Variants in OSBPL1A observed in about 807,000 individuals in gnomAD.
OSBPL1A encodes oxysterol binding protein like 1A, also known as oxysterol-binding protein-related protein 1.
OSBPL1A carries 80 observed loss-of-function variants against 137.1 expected under a neutral mutation model. The ratio of observed to expected loss-of-function variants is 0.58; its 90% CI spans 0.49 to 0.70. The LOEUF is 0.70. Among genes scored for constraint, OSBPL1A ranks in the 30% least tolerant of loss-of-function variants. The pLI is 0.00. For synonymous variants in OSBPL1A, 365 were observed against 389.7 expected, an observed-to-expected ratio of 0.94 and a Z score of 0.75; for missense variants, 970 against 1,129.4, an observed-to-expected ratio of 0.86 and a Z score of 2.02.
chr18:24,259,959 C>T lies in OSBPL1A; in HGVS notation c.1282-20577G>A, dbSNP rs116059348. On this transcript the variant is annotated intron_variant, in intron 15 of 27. Transcript: ENST00000319481. ...AAGGGTCTAGTATCTACAATATATA[C>T]ACAATCATGTACAGAACTCTACGCT... Among the ~76,000 whole-genome samples the T allele has an allele frequency of 6.1e-3, 934 of 152,156 alleles. 10 individuals are homozygous for T. The highest frequency in any genetic ancestry group is 0.021 in the African/African-American group (861 of 41,502).
chr18:24,300,365 A>C (rs745664244), intron 14 of OSBPL1A, among the ~76,000 whole-genome samples: 44 of 152,250 alleles, frequency 2.9e-4, no homozygotes, highest in Admixed American at 1.5e-3. Context: ...TGCCCAGATA[A>C]GTCTGCATTT....
chr18:24,332,031 G>A (rs2091087976), intron 7 of OSBPL1A, among the ~76,000 whole-genome samples: 1 of 151,852 alleles, frequency 6.6e-6, no homozygotes, highest in Non-Finnish European at 1.5e-5. Context: ...GTCTATTTAG[G>A]GTCACACTTT....
chr18:24,254,016 ATTCC>A (rs1488136229), intron 15 of OSBPL1A, among the ~76,000 whole-genome samples: 2 of 152,246 alleles, frequency 1.3e-5, no homozygotes, highest in Non-Finnish European at 2.9e-5. Flanking sequence ...CATGAGCTGA[ATTCC>A]TTCCCAAAGT....
chr18:24,216,133 G>A (rs1408996317), intron 17 of OSBPL1A, among the ~76,000 whole-genome samples: 6 of 152,112 alleles, frequency 3.9e-5, no homozygotes, highest in Non-Finnish European at 8.8e-5. Flanking sequence ...ACAGCCTCTC[G>A]TCACCTCTTG....
chr18:24,372,211 G>T (rs144953976), intron 2 of OSBPL1A, among the ~76,000 whole-genome samples: 1 of 151,342 alleles, frequency 6.6e-6, no homozygotes, highest in Non-Finnish European at 1.5e-5. Context: ...GGAGTTCAAG[G>T]CTGCAGTAAG....
At chr18:24,329,694 T>C (rs2091042133) in intron 7 of OSBPL1A, among the ~76,000 whole-genome samples, 1 of 152,052 alleles carries the variant, frequency 6.6e-6, no homozygotes, top group South Asian at 2.1e-4. Flanking sequence ...TAAACATAGG[T>C]ACACTGGCCT....
chr18:24,312,960 C>T (rs1294858175), intron 12 of OSBPL1A, among the ~76,000 whole-genome samples: 1 of 151,232 alleles, frequency 6.6e-6, no homozygotes, highest in East Asian at 1.9e-4. Context: ...CCCATCTCTA[C>T]TAAAAATACA....
chr18:24,374,160 T>C (rs2146201574), intron 2 of OSBPL1A, among the ~76,000 whole-genome samples: 1 of 152,310 alleles, frequency 6.6e-6, no homozygotes, highest in African/African-American at 2.4e-5. Context: ...TTTAAATATT[T>C]TTTCCTCAGA....
chr18:24,338,947 C>T (rs138841312), intron 5 of OSBPL1A, among the ~76,000 whole-genome samples: 1,642 of 152,106 alleles, frequency 0.011, 31 homozygotes, highest in African/African-American at 0.035. Context: ...CTTGTGACCT[C>T]GTGATCCACC....
intron 14 of OSBPL1A, among the ~76,000 whole-genome samples, chr18:24,281,976 G>A (rs939466717): frequency 6.6e-6 from 1 of 152,132 alleles, no homozygotes; most frequent in Admixed American, 6.5e-5. Flanking sequence ...ATTGCGAACT[G>A]TGTATATGAG....
intron 15 of OSBPL1A, among the ~76,000 whole-genome samples, chr18:24,262,549 A>T (rs2089465936): frequency 1.3e-5 from 2 of 152,346 alleles, no homozygotes; most frequent in East Asian, 3.8e-4. Flanking sequence ...GTTATATGTA[A>T]CAGAAGTAAC....
At chr18:24,356,966 A>C (rs762778695) in intron 4 of OSBPL1A, among the ~76,000 whole-genome samples, 4 of 152,144 alleles carry the variant, frequency 2.6e-5, no homozygotes, top group Non-Finnish European at 5.9e-5. Flanking sequence ...TACCTTTTCT[A>C]TCCCTATTAG....
chr18:24,311,644 A>AAGC (rs2090621500), intron 13 of OSBPL1A: 2 of 363,072 alleles, frequency 5.5e-6, no homozygotes, highest in African/African-American at 4.4e-5. Flanking sequence ...CAGTGAAGTC[A>AAGC]TAAAGGGCAT....
intron 7 of OSBPL1A, among the ~76,000 whole-genome samples, chr18:24,324,989 G>A (rs2090946612): frequency 6.6e-6 from 1 of 151,780 alleles, no homozygotes; most frequent in African/African-American, 2.4e-5. Flanking sequence ...GGGAGGCTGA[G>A]GCAGGAGAAT....
chr18:24,287,599 C>G (rs2090089236), intron 14 of OSBPL1A, among the ~76,000 whole-genome samples: 1 of 151,876 alleles, frequency 6.6e-6, no homozygotes. Flanking sequence ...ATGGTGAAAC[C>G]CTGTCTCTAC....
chr18:24,231,668 T>C (rs1318652978), intron 16 of OSBPL1A, among the ~76,000 whole-genome samples: 2 of 152,226 alleles, frequency 1.3e-5, no homozygotes, highest in Non-Finnish European at 2.9e-5. Flanking sequence ...TCCTTTCTCA[T>C]CAAAATAGCA....
chr18:24,170,791 C>T (rs932751434), intron 23 of OSBPL1A, among the ~76,000 whole-genome samples: 4 of 152,096 alleles, frequency 2.6e-5, no homozygotes, highest in South Asian at 2.1e-4. Context: ...GGTACACAGG[C>T]ATGCGCCACT....
rs189754643 is a variant in OSBPL1A at position 24,248,903 on chromosome 18, C to T, written c.1282-9521G>A. Among the ~76,000 whole-genome samples the T allele has an allele frequency of 1.4e-4, 22 of 152,342 alleles. 1 individual carries two copies. The highest frequency in any genetic ancestry group is 5.3e-4 in the African/African-American group (22 of 41,588). On this transcript the variant is annotated intron_variant, in intron 15 of 27. Transcript: ENST00000319481. ...ATCAATGGAAGACTAGCACTATACACAAATGACAATTTAACAAATACGTTT... is the reference window on the plus strand; with the variant it reads ...ATCAATGGAAGACTAGCACTATACATAAATGACAATTTAACAAATACGTTT...
chr18:24,229,848 G>A (rs541238912), intron 16 of OSBPL1A, among the ~76,000 whole-genome samples: 87 of 151,572 alleles, frequency 5.7e-4, no homozygotes, highest in Non-Finnish European at 9.9e-4. Context: ...CCTCCCTCAC[G>A]CAAGTGATTC....
Sources: allele counts gnomAD v4.1 joint callset (sites outside exome capture counted in the v4.1 genomes callset), GRCh38; gene constraint gnomAD v4.1.1; transcripts MANE v1.5; gene names NCBI Gene and HGNC (gene_info 2026-07-23, HGNC 2026-07-21).